EBF2: variants seen among roughly 807,000 people sequenced by gnomAD.
EBF2 encodes EBF transcription factor 2.
In EBF2, 21 loss-of-function variants were observed where a neutral mutation model predicts 72.8. The observed-to-expected ratio is 0.29, with a 90% CI of 0.20 to 0.42. EBF2 has a LOEUF of 0.42. Among genes scored for constraint, EBF2 ranks in the 10% least tolerant of loss-of-function variants. The probability of loss-of-function intolerance (pLI) is 1.00; values close to 1 mark genes in which losing one functional copy is unlikely to be tolerated. For synonymous variants in EBF2, 299 were observed against 274.2 expected (o/e 1.09, Z -0.89); for missense variants, 637 against 731.2 (o/e 0.87, Z 1.49).
At chr8:25,941,394 C>G (rs1803667220) in intron 6 of EBF2, among the ~76,000 whole-genome samples, 1 of 152,012 alleles carries the variant, frequency 6.6e-6, no homozygotes, top group South Asian at 2.1e-4. Context: ...TTAGTAGAGA[C>G]AGGGTTTTGC....
intron 6 of EBF2, among the ~76,000 whole-genome samples, chr8:25,951,180 T>C (rs1803853002): frequency 1.3e-5 from 2 of 152,192 alleles, no homozygotes; most frequent in Admixed American, 1.3e-4. Flanking sequence ...AGAGAACACA[T>C]GCTGAAATGA....
intron 10 of EBF2, among the ~76,000 whole-genome samples, chr8:25,874,479 T>G (rs1164210427): frequency 6.6e-6 from 1 of 152,090 alleles, no homozygotes; most frequent in East Asian, 1.9e-4. Context: ...TTAGTTAGCA[T>G]GAATTATCTG....
At chr8:26,007,091 A>T (rs1305563324) in intron 6 of EBF2, among the ~76,000 whole-genome samples, 1 of 152,236 alleles carries the variant, frequency 6.6e-6, no homozygotes, top group African/African-American at 2.4e-5. Flanking sequence ...TCTCACTGAG[A>T]GATGAAGTAT....
intron 6 of EBF2, among the ~76,000 whole-genome samples, chr8:25,975,855 G>A (rs73225965): frequency 0.12 from 17,856 of 152,160 alleles, 1,154 homozygotes; most frequent in East Asian, 0.23. Context: ...TGAAAATTCT[G>A]TTTCAGCAAA....
At chr8:25,903,187 G>GTT (rs542446501) in intron 7 of EBF2, among the ~76,000 whole-genome samples, 5,195 of 132,406 alleles carry the variant, frequency 0.039, 116 homozygotes, top group Middle Eastern at 0.085. Flanking sequence ...TTTTGTCTGG[G>GTT]TTTTTTTTTT....
At chr8:25,978,976 C>T (rs933062496) in intron 6 of EBF2, among the ~76,000 whole-genome samples, 3 of 152,156 alleles carry the variant, frequency 2.0e-5, no homozygotes, top group African/African-American at 7.2e-5. Context: ...AAACGGGCTG[C>T]TCAAACCACG....
chr8:25,887,612 T>C (rs1802712721), intron 9 of EBF2, among the ~76,000 whole-genome samples: 1 of 152,188 alleles, frequency 6.6e-6, no homozygotes, highest in South Asian at 2.1e-4. Flanking sequence ...TCGAATTTTT[T>C]CAAAACATTT....
At position 26,030,540 on chromosome 8, in the gene EBF2, C is replaced by T. The variant is rs572962062; in HGVS notation, c.551+2545G>A. 1.0e-3 allele frequency among the ~76,000 whole-genome samples: 153 copies of T among 151,674 alleles called. 1 individual carries two copies. Among genetic ancestry groups the T allele is most frequent in the Non-Finnish European group, 1.8e-3 (124 of 67,946 alleles). On this transcript the variant is annotated intron_variant, in intron 6 of 15. Coordinates refer to ENST00000520164, the MANE Select transcript of EBF2 (RefSeq NM_022659.4). ...TGTATACATATGTAACAAACCTGCA[C>T]GTTGTGCACATGTACCCTAAAATTT... is the stretch of plus-strand genomic sequence containing the variant.
intron 7 of EBF2, among the ~76,000 whole-genome samples, chr8:25,902,512 T>C (rs1273452880): frequency 3.3e-5 from 5 of 151,916 alleles, no homozygotes; most frequent in African/African-American, 1.2e-4. Flanking sequence ...AATAATCCAT[T>C]ATTTTAATCA....
rs544878920 is a variant in EBF2 at position 25,861,626 on chromosome 8, A to G, written c.1099-252T>C. 1.1e-4 allele frequency among the ~76,000 whole-genome samples: 17 copies of G among 152,332 alleles called. No individual in the cohort carries two copies. The East Asian group carries it at 3.3e-3, about 29-fold the overall frequency. On this transcript the variant is annotated intron_variant, in intron 11 of 15. Transcript: ENST00000520164. ...GATTGTGTTACCAAAACAAAAAACA[A>G]CCCAATTGAGAGTATAGTTTATTAA...
intron 6 of EBF2, among the ~76,000 whole-genome samples, chr8:25,992,123 C>T (rs527831058): frequency 2.0e-5 from 3 of 151,814 alleles, no homozygotes; most frequent in African/African-American, 7.2e-5. Context: ...CTCCACCTCC[C>T]GAGTTCAAGT....
chr8:25,845,322 G>T (rs1801810395), intron 15 of EBF2, among the ~76,000 whole-genome samples: 1 of 150,266 alleles, frequency 6.7e-6, no homozygotes, highest in African/African-American at 2.5e-5. Context: ...CAACCTCCTG[G>T]GTTCAAGTGA....
At chr8:25,983,545 T>G (rs1023887229) in intron 6 of EBF2, among the ~76,000 whole-genome samples, 1 of 152,198 alleles carries the variant, frequency 6.6e-6, no homozygotes, top group African/African-American at 2.4e-5. Flanking sequence ...CATCCCCAGC[T>G]GTCTACTGGG....
intron 6 of EBF2, among the ~76,000 whole-genome samples, chr8:25,981,882 G>A (rs1002508596): frequency 3.3e-5 from 5 of 151,768 alleles, no homozygotes; most frequent in African/African-American, 1.2e-4. Flanking sequence ...TAAATGGAAA[G>A]ATCTAGATGT....
chr8:25,858,468 C>T lies in EBF2; in HGVS notation c.1379G>A (p.Gly460Glu). ...IRNTSSISPR[G>E]YSSSSTPQQS... ...TTGAGGCGTGGAGCTGGAAGAGTATCCCCGCGGAGAGATGCTGCTTGTGTT... is the reference window on the plus strand; with the variant it reads ...TTGAGGCGTGGAGCTGGAAGAGTATTCCCGCGGAGAGATGCTGCTTGTGTT... Residue 460 changes from glycine (G) to glutamate (E), a missense_variant, in exon 14 of 16, where the codon GGA becomes GAA. By Grantham distance (98) the Gly-to-Glu change is moderately conservative. This residue lies in a region of EBF2 where 259 missense variants were observed against 268.1 expected (regional missense o/e 0.97). Coordinates refer to ENST00000520164, the MANE Select transcript of EBF2 (RefSeq NM_022659.4). 1.2e-6 allele frequency: 2 copies of T among 1,613,826 alleles called. No individual in the cohort carries two copies. Among genetic ancestry groups the T allele is most frequent in the East Asian group, 4.5e-5 (2 of 44,858 alleles).
chr8:26,044,782 G>A lies in EBF2; in HGVS notation c.78C>T (p.Val26=). ...CTCCGACATTCCGGACCCAGGACCTGACCGAATCCATCTCCGCGCCCAGCG... is the reference window on the plus strand; with the variant it reads ...CTCCGACATTCCGGACCCAGGACCTAACCGAATCCATCTCCGCGCCCAGCG... ...EKSLGAEMDS[V]RSWVRNVGVV... Residue 26 remains valine (V), a synonymous_variant, in exon 1 of 16, where the codon GTC becomes GTT. Transcript: ENST00000520164. This position sits in a 1 kb window ranked among gnomAD's most constrained non-coding sequence, Gnocchi z 4.1. 6.2e-7 allele frequency: 1 copy of A among 1,614,160 alleles called. No individual in the cohort carries two copies. The highest frequency in any genetic ancestry group is 8.5e-7 in the Non-Finnish European group (1 of 1,180,036).
rs1205522652 is a variant in EBF2, at chr8:26,044,284, G to C, written c.131+445C>G. 6.6e-6 allele frequency among the ~76,000 whole-genome samples: 1 copy of C among 152,114 alleles called. No individual in the cohort carries two copies. Among genetic ancestry groups the C allele is most frequent in the Non-Finnish European group, 1.5e-5 (1 of 68,008 alleles). On this transcript the variant is annotated intron_variant, in intron 1 of 15. Coordinates refer to ENST00000520164, the MANE Select transcript of EBF2 (RefSeq NM_022659.4). This position sits in a 1 kb window ranked among gnomAD's most constrained non-coding sequence, Gnocchi z 4.1. ...CCAGGCTCCAGGAATCGCCCAGCAAGATGCGGGAGGTAGGCGCTCGCAGGC... is the reference window on the plus strand; with the variant it reads ...CCAGGCTCCAGGAATCGCCCAGCAACATGCGGGAGGTAGGCGCTCGCAGGC...
intron 6 of EBF2, among the ~76,000 whole-genome samples, chr8:25,910,416 G>A (rs1178463580): frequency 6.6e-6 from 1 of 152,060 alleles, no homozygotes; most frequent in Non-Finnish European, 1.5e-5. Flanking sequence ...CCAAATGGAG[G>A]GCTTTTTCTC....
At chr8:25,847,624 C>T (rs556020689) in intron 15 of EBF2, among the ~76,000 whole-genome samples, 10 of 152,214 alleles carry the variant, frequency 6.6e-5, no homozygotes, top group South Asian at 2.1e-4. Context: ...GGATAGCTGT[C>T]GATTTTCTAT....
Sources: gnomAD v4.1 joint callset for allele counts (sites outside exome capture counted in the v4.1 genomes callset) on GRCh38, gnomAD v4.1.1 for gene constraint, gnomAD v4.1.1 regional missense constraint, Gnocchi (gnomAD v3.1) non-coding constraint, MANE v1.5 for transcripts, NCBI Gene and HGNC (gene_info 2026-07-23, HGNC 2026-07-21) for gene names.